The following NOX5 variants were observed in gnomAD, a reference collection of about 807,000 sequenced individuals.
The protein encoded by NOX5 is NADPH oxidase, EF-hand calcium binding domain 5.
Under a neutral mutation model 85.7 loss-of-function variants are expected in NOX5, and 76 were observed. The observed-to-expected ratio is 0.89, with a 90% CI of 0.74 to 1.07. The LOEUF (loss-of-function observed/expected upper bound fraction) is 1.07, where lower values mean the gene tolerates loss of function less well. NOX5 is among the 50% of genes least tolerant of loss of function. The probability of loss-of-function intolerance (pLI) is 0.00; values close to 1 mark genes in which losing one functional copy is unlikely to be tolerated. For missense variants in NOX5, 973 were observed against 999.5 expected (o/e 0.97, Z 0.36); for synonymous variants, 405 against 401.4 (o/e 1.01, Z -0.11).
intron 5 of NOX5, among the ~76,000 whole-genome samples, chr15:69,034,534 GTAGT>G (rs984796856): frequency 3.3e-5 from 5 of 152,302 alleles, no homozygotes; most frequent in African/African-American, 1.2e-4. Context: ...CCTGTGAGGG[GTAGT>G]TAGCTTAGTT....
chr15:69,048,034 T>C (rs2050697912), intron 13 of NOX5, 123 bp downstream of exon 13: 1 of 778,040 alleles, frequency 1.3e-6, no homozygotes, highest in African/African-American at 1.7e-5. Context: ...GATCTTTCTT[T>C]CCCCACAATA....
chr15:69,054,922 C>T (rs1053320476), intron 14 of NOX5, among the ~76,000 whole-genome samples: 6 of 152,184 alleles, frequency 3.9e-5, no homozygotes, highest in African/African-American at 1.4e-4. Flanking sequence ...ATTTCTTCTT[C>T]TATAAATACA....
chr15:69,031,536 C>T lies in NOX5; in HGVS notation c.344C>T (p.Ala115Val). 3 of 1,609,152 alleles carry T rather than the reference C, an allele frequency of 1.9e-6. No homozygotes were observed. The highest frequency in any genetic ancestry group is 2.5e-6 in the Non-Finnish European group (3 of 1,178,472). ...YDIDVCARQG[A>V]SAGTEWGAGA... ...CTTGCAGTGTGTGCACGGCAGGGGG[C>T]GTCTGCAGGTACAGAGTGGGGTGCT... The change falls in exon 4 of 16, where the codon GCG becomes GTG. Residue 115 changes from alanine (A) to valine (V), a missense_variant. Ala to Val is a moderately conservative substitution (Grantham distance 64). Coordinates refer to ENST00000388866, the MANE Select transcript of NOX5 (RefSeq NM_024505.4).
rs1035883183 is a variant in NOX5 at position 69,059,775 on chromosome 15, T to C, written c.*3079T>C. ...TGCATCCGGATGACTGGCTGACTTT[T>C]CTTCTCTCACCAGATGTTGCCAATG... is the stretch of plus-strand genomic sequence containing the variant. On this transcript the variant is annotated 3_prime_UTR_variant, in exon 16 of 16. Transcript: ENST00000388866. 5 of 152,230 alleles carry C rather than the reference T, an allele frequency of 3.3e-5. No individual in the cohort carries two copies. The highest frequency in any genetic ancestry group is 4.8e-5 in the African/African-American group (2 of 41,448). 9.4% of individuals were successfully genotyped at this position (152,230 alleles called of 1,614,324 possible).
At chr15:69,046,714 A>C (rs769966158) in intron 10 of NOX5, 108 bp from the exon 11 acceptor site, 3 of 1,029,298 alleles carry the variant, frequency 2.9e-6, no homozygotes, top group African/African-American at 3.2e-5. Context: ...CAGAAAAAGC[A>C]ATTCCCTTTT....
Position 69,056,552 on chromosome 15 carries a change from C to G in NOX5, c.2167-13C>G. On this transcript the variant is annotated splice_polypyrimidine_tract_variant and intron_variant, in intron 15 of 15. Coordinates refer to ENST00000388866, the MANE Select transcript of NOX5 (RefSeq NM_024505.4). ...ATCTTCCCTCTTCTCTTCCTCAACC[C>G]CACTGACTCCAGGTGTTCCAGAAAG... 1 of 1,611,816 alleles carries G rather than the reference C, an allele frequency of 6.2e-7. No homozygotes were observed. Among genetic ancestry groups the G allele is most frequent in the East Asian group, 2.2e-5 (1 of 44,872 alleles).
Position 69,033,120 on chromosome 15 carries a change from A to G in NOX5, c.698A>G (p.His233Arg). 1.9e-6 allele frequency: 3 copies of G among 1,559,220 alleles called. No individual in the cohort carries two copies. The highest frequency in any genetic ancestry group is 2.6e-6 in the Non-Finnish European group (3 of 1,158,952). The change falls in exon 5 of 16, where the codon CAC becomes CGC. Residue 233 changes from histidine to arginine, a missense_variant. Coordinates refer to ENST00000388866, the MANE Select transcript of NOX5 (RefSeq NM_024505.4). Reference sequence around the variant, plus strand: ...CGCCAGCTGACCCGCGCCTACTGGCACAACCACCGCAGCCAGCTGTTCTGC... The same window carrying G: ...CGCCAGCTGACCCGCGCCTACTGGCGCAACCACCGCAGCCAGCTGTTCTGC... ...RPRQLTRAYW[H>R]NHRSQLFCLA... is the part of the protein sequence containing the mutation.
At chr15:69,054,372 T>A (rs1036612313) in intron 14 of NOX5, among the ~76,000 whole-genome samples, 11 of 152,270 alleles carry the variant, frequency 7.2e-5, no homozygotes, top group African/African-American at 2.6e-4. Flanking sequence ...CCAGTCTCCT[T>A]CCCCATCTCT....
At chr15:69,034,193 T>C (rs142281154) in intron 5 of NOX5, among the ~76,000 whole-genome samples, 2 of 152,262 alleles carry the variant, frequency 1.3e-5, no homozygotes, top group East Asian at 1.9e-4. Flanking sequence ...GTGGGTTTTA[T>C]AGGTTTTATT....
At position 69,047,499 on chromosome 15, in the gene NOX5, C is replaced by T. The variant is rs1174823430; in HGVS notation, c.1779C>T (p.Ile593=). 1 of 1,613,932 alleles carries T rather than the reference C, an allele frequency of 6.2e-7. No homozygotes were observed. The highest frequency in any genetic ancestry group is 1.3e-5 in the African/African-American group (1 of 74,920). ...TGCTCATCGGGGCAGGCATCGGCAT[C>T]ACCCCCTTTGCTTCCATTCTGCAGA... ...HAVLIGAGIG[I]TPFASILQSI... The change falls in exon 12 of 16, where the codon ATC becomes ATT. Residue 593 remains isoleucine, a synonymous_variant. Coordinates refer to ENST00000388866, the MANE Select transcript of NOX5 (RefSeq NM_024505.4).
At chr15:69,046,219 C>G (rs148729898) in intron 10 of NOX5, 1 of 152,472 alleles carries the variant, frequency 6.6e-6, no homozygotes, top group East Asian at 1.9e-4. Flanking sequence ...CTCTCTTCCC[C>G]GAGGAGCACA....
intron 9 of NOX5, among the ~76,000 whole-genome samples, chr15:69,041,280 G>A (rs887753703): frequency 1.3e-5 from 2 of 152,160 alleles, no homozygotes; most frequent in Non-Finnish European, 2.9e-5. Flanking sequence ...CAGAGAGGTG[G>A]ATGGAGCTAG....
At chr15:69,043,821 C>A (rs2050627119) in intron 10 of NOX5, among the ~76,000 whole-genome samples, 1 of 152,140 alleles carries the variant, frequency 6.6e-6, no homozygotes, top group Non-Finnish European at 1.5e-5. Context: ...GGCAGCCTGG[C>A]CATATGTGTC....
In NOX5 at chr15:69,048,955, G is replaced by A. The variant is rs775948538; in HGVS notation, c.1900-4G>A. 87 of 1,609,078 alleles carry A rather than the reference G, an allele frequency of 5.4e-5. No individual in the cohort carries two copies. The highest frequency in any genetic ancestry group is 4.0e-4 in the South Asian group (36 of 89,732). Reference sequence around the variant, plus strand: ...CCTCTGAGCTGAAGGGCCTCTCTCCGTAGGTGGACTTTATCTGGATCAACA... The same window carrying A: ...CCTCTGAGCTGAAGGGCCTCTCTCCATAGGTGGACTTTATCTGGATCAACA... On this transcript the variant is annotated splice_polypyrimidine_tract_variant and splice_region_variant and intron_variant, in intron 13 of 15. Transcript: ENST00000388866.
intron 8 of NOX5, chr15:69,037,544 T>C: frequency 4.1e-6 from 1 of 244,810 alleles, no homozygotes; most frequent in Non-Finnish European, 7.9e-6. Flanking sequence ...TTCTGCACTG[T>C]CCTGCTTTCT....
At chr15:69,026,791 A>G in intron 2 of NOX5, 140 bp downstream of exon 2, 2 of 1,124,336 alleles carry the variant, frequency 1.8e-6, no homozygotes, top group Non-Finnish European at 1.3e-6. Flanking sequence ...CGGGATGTTT[A>G]TGGCACCCTC....
In NOX5 at chr15:69,036,764, G is replaced by A. The variant is rs148556695; in HGVS notation, c.1189-264G>A. On this transcript the variant is annotated intron_variant, in intron 7 of 15. Coordinates refer to ENST00000388866, the MANE Select transcript of NOX5 (RefSeq NM_024505.4). The stretch of plus-strand genomic sequence containing the variant: ...TACTGATGCTCATGATCCCTGTGGG[G>A]GCAGTCCACTCTGCCCAGAACCTCC... Among the ~76,000 whole-genome samples, 15 of 152,208 alleles carry A rather than the reference G, an allele frequency of 9.9e-5. No individual in the cohort carries two copies. The East Asian group carries it at 2.7e-3, about 27-fold the overall frequency.
intron 1 of NOX5, chr15:69,023,758 A>G (rs1182310864): frequency 5.9e-6 from 1 of 170,740 alleles, no homozygotes; most frequent in Non-Finnish European, 1.3e-5. Context: ...GGACACCTTC[A>G]TCATCATGAT....
At chr15:69,044,151 TC>T (rs367619870) in intron 10 of NOX5, among the ~76,000 whole-genome samples, 40 of 150,878 alleles carry the variant, frequency 2.7e-4, no homozygotes, top group African/African-American at 9.5e-4. Flanking sequence ...ACCACTGTAC[TC>T]CAGCCTGGGC....
Sources: gnomAD v4.1 joint callset for allele counts (sites outside exome capture counted in the v4.1 genomes callset) on GRCh38, gnomAD v4.1.1 for gene constraint, MANE v1.5 for transcripts, NCBI Gene and HGNC (gene_info 2026-07-23, HGNC 2026-07-21) for gene names.